Variants in TAF4B observed in about 807,000 individuals in gnomAD.
TAF4B encodes TATA-box binding protein associated factor 4b.
In TAF4B, 38 loss-of-function variants were observed where a neutral mutation model predicts 86.4. The ratio of observed to expected loss-of-function variants is 0.44; its 90% CI spans 0.34 to 0.58. The LOEUF (loss-of-function observed/expected upper bound fraction) is 0.58. TAF4B is among the 20% of genes least tolerant of loss of function. The probability of loss-of-function intolerance (pLI) is 0.02; values close to 1 mark genes in which losing one functional copy is unlikely to be tolerated. For synonymous variants in TAF4B, 388 were observed against 391.2 expected (o/e 0.99, Z 0.10); for missense variants, 988 against 1,027.6 (o/e 0.96, Z 0.53).
At chr18:26,313,453 G>A (rs1009361020) in intron 9 of TAF4B, among the ~76,000 whole-genome samples, 1 of 152,012 alleles carries the variant, frequency 6.6e-6, no homozygotes, top group African/African-American at 2.4e-5. Flanking sequence ...TCTTAAAATC[G>A]TTCTTAGCAT....
intron 9 of TAF4B, among the ~76,000 whole-genome samples, chr18:26,310,047 C>T (rs1024663113): frequency 6.6e-6 from 1 of 152,004 alleles, no homozygotes; most frequent in Non-Finnish European, 1.5e-5. Context: ...GGTGCTGAGC[C>T]CCTGACCTCA....
intron 13 of TAF4B, among the ~76,000 whole-genome samples, chr18:26,343,464 G>T (rs913454034): frequency 6.6e-6 from 1 of 152,204 alleles, no homozygotes; most frequent in African/African-American, 2.4e-5. Context: ...GCACAGGGCA[G>T]ATCCAAATAA....
At chr18:26,270,873 T>C (rs1227303565) in intron 3 of TAF4B, among the ~76,000 whole-genome samples, 1 of 152,226 alleles carries the variant, frequency 6.6e-6, no homozygotes, top group African/African-American at 2.4e-5. Context: ...TCTGTGACTT[T>C]GTCACAATAG....
chr18:26,384,177 G>A (rs887883952), intron 14 of TAF4B, among the ~76,000 whole-genome samples: 2 of 152,162 alleles, frequency 1.3e-5, no homozygotes, highest in African/African-American at 4.8e-5. Context: ...ATGAGGTTGG[G>A]ACTTAGTGTA....
chr18:26,241,170 C>T (rs1283533766), intron 1 of TAF4B, among the ~76,000 whole-genome samples: 1 of 152,018 alleles, frequency 6.6e-6, no homozygotes, highest in African/African-American at 2.4e-5. Flanking sequence ...TAGCAGCTCC[C>T]ATTTGTACCT....
At chr18:26,282,162 A>C in intron 6 of TAF4B, 102 bp downstream of exon 6, 1 of 971,734 alleles carries the variant, frequency 1.0e-6, no homozygotes, top group Non-Finnish European at 1.6e-6. Flanking sequence ...ATGTGAAGAT[A>C]CTGACAGTGT....
chr18:26,256,455 C>G, intron 1 of TAF4B: 2 of 683,890 alleles, frequency 2.9e-6, no homozygotes, highest in South Asian at 3.3e-5. Context: ...CCCTCAAGCA[C>G]TCCCTACTCC....
chr18:26,319,440 C>T (rs2056941123), intron 10 of TAF4B, among the ~76,000 whole-genome samples: 1 of 151,884 alleles, frequency 6.6e-6, no homozygotes, highest in East Asian at 1.9e-4. Context: ...GCAAAGGTTG[C>T]AGTGAGTGGA....
intron 9 of TAF4B, among the ~76,000 whole-genome samples, chr18:26,300,787 T>C (rs1357936316): frequency 6.6e-6 from 1 of 152,006 alleles, no homozygotes; most frequent in African/African-American, 2.4e-5. Flanking sequence ...ACCCTGGGCT[T>C]TTTTTTGGTT....
intron 9 of TAF4B, among the ~76,000 whole-genome samples, chr18:26,307,661 T>TG (rs2144649780): frequency 6.6e-6 from 1 of 152,316 alleles, no homozygotes; most frequent in African/African-American, 2.4e-5. Context: ...AAGACACTCT[T>TG]GGAAAATAAT....
intron 1 of TAF4B, among the ~76,000 whole-genome samples, chr18:26,244,665 C>T (rs1260134182): frequency 6.6e-6 from 1 of 152,188 alleles, no homozygotes; most frequent in Non-Finnish European, 1.5e-5. Flanking sequence ...ATGCTGGGAG[C>T]TGTAGACTGG....
chr18:26,315,744 G>A (rs1199488994), intron 10 of TAF4B, among the ~76,000 whole-genome samples: 1 of 151,908 alleles, frequency 6.6e-6, no homozygotes, highest in Non-Finnish European at 1.5e-5. Flanking sequence ...TATGTTACAT[G>A]TTTGTGTTTA....
chr18:26,367,759 T>C (rs1436561311), intron 14 of TAF4B, among the ~76,000 whole-genome samples: 1 of 152,240 alleles, frequency 6.6e-6, no homozygotes, highest in Non-Finnish European at 1.5e-5. Flanking sequence ...TTGTTTGTTA[T>C]AAATAATGAG....
chr18:26,239,700 C>G (rs1371834770), intron 1 of TAF4B, among the ~76,000 whole-genome samples: 1 of 152,174 alleles, frequency 6.6e-6, no homozygotes, highest in Non-Finnish European at 1.5e-5. Flanking sequence ...AGGTTTTCTT[C>G]TAGAGTTTTC....
At chr18:26,227,725 C>G (rs974608667) in intron 1 of TAF4B, among the ~76,000 whole-genome samples, 1 of 152,322 alleles carries the variant, frequency 6.6e-6, no homozygotes, top group African/African-American at 2.4e-5. Flanking sequence ...ACGATCATGG[C>G]TCACCGACGT....
At chr18:26,381,916 GT>G (rs1567932238) in intron 14 of TAF4B, among the ~76,000 whole-genome samples, 2 of 151,402 alleles carry the variant, frequency 1.3e-5, no homozygotes, top group Non-Finnish European at 1.5e-5. Flanking sequence ...AATAAAAATG[GT>G]TTTTTTATGT....
intron 9 of TAF4B, among the ~76,000 whole-genome samples, chr18:26,294,383 T>C (rs1326191926): frequency 6.6e-6 from 1 of 152,014 alleles, no homozygotes; most frequent in African/African-American, 2.4e-5. Context: ...CTAAAGATGC[T>C]GATCATCTAT....
chr18:26,342,484 A>G (rs2057144333), intron 13 of TAF4B, among the ~76,000 whole-genome samples: 1 of 152,026 alleles, frequency 6.6e-6, no homozygotes. Flanking sequence ...ATAGTTTTTA[A>G]TTTTCCTTTT....
chr18:26,277,312 C>T (rs1046670874), intron 5 of TAF4B, among the ~76,000 whole-genome samples: 2 of 152,104 alleles, frequency 1.3e-5, no homozygotes, highest in African/African-American at 2.4e-5. Flanking sequence ...TCTCAAACTC[C>T]TGAGCTCAAG....
Sources: allele counts gnomAD v4.1 joint callset (sites outside exome capture counted in the v4.1 genomes callset), GRCh38; gene constraint gnomAD v4.1.1; transcripts MANE v1.5; gene names NCBI Gene and HGNC (gene_info 2026-07-23, HGNC 2026-07-21).